NDST3: variants seen among roughly 807,000 people sequenced by gnomAD.
NDST3 encodes bifunctional heparan sulfate N-deacetylase/N-sulfotransferase 3.
Under a neutral mutation model 96.1 loss-of-function variants are expected in NDST3, and 58 were observed. The ratio of observed to expected loss-of-function variants is 0.60; its 90% CI spans 0.49 to 0.75. NDST3 has a LOEUF of 0.75. Among genes scored for constraint, NDST3 ranks in the 30% least tolerant of loss-of-function variants. The probability of loss-of-function intolerance (pLI) is 0.00; values close to 1 mark genes in which losing one functional copy is unlikely to be tolerated. For synonymous variants in NDST3, 333 were observed against 359.7 expected (o/e 0.93, Z 0.84); for missense variants, 788 against 1,034.2 (o/e 0.76, Z 3.27).
intron 4 of NDST3, among the ~76,000 whole-genome samples, chr4:118,119,653 AAGAGG>A (rs1176645929): frequency 6.6e-6 from 1 of 152,242 alleles, no homozygotes; most frequent in Non-Finnish European, 1.5e-5. Flanking sequence ...TCAAGAAGGC[AAGAGG>A]TAAAAGAGAA....
At chr4:118,045,944 C>T (rs186834007) in intron 1 of NDST3, among the ~76,000 whole-genome samples, 87 of 151,904 alleles carry the variant, frequency 5.7e-4, no homozygotes, top group African/African-American at 2.0e-3. Flanking sequence ...CTCTAAGAAG[C>T]ACCCAGGAAT....
intron 6 of NDST3, among the ~76,000 whole-genome samples, chr4:118,224,176 T>C (rs571540062): frequency 2.0e-5 from 3 of 152,226 alleles, no homozygotes; most frequent in East Asian, 3.9e-4. Flanking sequence ...TTGAGAAATA[T>C]ACAGGTTGTT....
At chr4:118,133,323 T>C (rs758900155) in intron 4 of NDST3, among the ~76,000 whole-genome samples, 2 of 152,194 alleles carry the variant, frequency 1.3e-5, no homozygotes, top group African/African-American at 2.4e-5. Flanking sequence ...GAGCAGAGCA[T>C]GGATTTGCTC....
intron 1 of NDST3, among the ~76,000 whole-genome samples, chr4:118,040,857 TTATATATTTTTATATATA>T (rs71593717): frequency 0.45 from 59,980 of 133,022 alleles, 15,331 homozygotes; most frequent in East Asian, 0.67. Flanking sequence ...ATATATATAT[TTATATATTTTTATATATA>T]TATATATTTA....
At chr4:118,066,623 T>TATATATTATATATACATTATATATA in intron 2 of NDST3, among the ~76,000 whole-genome samples, 1 of 7,186 alleles carries the variant, frequency 1.4e-4, no homozygotes, top group African/African-American at 1.9e-4. Flanking sequence ...TATAACATGT[T>TATATATTATATATACATTATATATA]ATATATTATA....
chr4:118,093,709 T>C (rs1316111993), intron 2 of NDST3, among the ~76,000 whole-genome samples: 1 of 151,894 alleles, frequency 6.6e-6, no homozygotes, highest in Non-Finnish European at 1.5e-5. Flanking sequence ...GTTAGACCTA[T>C]ATGTATGTAA....
chr4:118,232,096 T>C (rs1051589380), intron 8 of NDST3, among the ~76,000 whole-genome samples: 6 of 152,178 alleles, frequency 3.9e-5, no homozygotes, highest in African/African-American at 1.2e-4. Context: ...ACTAAGTACA[T>C]TGAAGCTTAA....
chr4:118,068,603 T>C (rs1011804559), intron 2 of NDST3, among the ~76,000 whole-genome samples: 1 of 152,062 alleles, frequency 6.6e-6, no homozygotes, highest in South Asian at 2.1e-4. Flanking sequence ...CAAAGATTTT[T>C]GTCTTGGTAG....
intron 6 of NDST3, among the ~76,000 whole-genome samples, chr4:118,206,357 G>C (rs577576938): frequency 6.9e-6 from 1 of 145,118 alleles, no homozygotes; most frequent in South Asian, 2.3e-4. Context: ...TGGACCTTTA[G>C]GTGGGTAATA....
intron 3 of NDST3, among the ~76,000 whole-genome samples, chr4:118,108,742 A>T (rs1730405180): frequency 6.6e-6 from 1 of 152,296 alleles, no homozygotes; most frequent in South Asian, 2.1e-4. Flanking sequence ...ATAATCATAC[A>T]ACTACATATA....
chr4:118,243,351 G>T (rs1229538110), intron 12 of NDST3, among the ~76,000 whole-genome samples: 2 of 152,094 alleles, frequency 1.3e-5, no homozygotes, highest in African/African-American at 4.8e-5. Flanking sequence ...GACACGTAAG[G>T]GAGGCATTTT....
At chr4:118,230,519 G>A (rs1415105739) in intron 8 of NDST3, among the ~76,000 whole-genome samples, 1 of 151,714 alleles carries the variant, frequency 6.6e-6, no homozygotes, top group African/African-American at 2.4e-5. Context: ...AGCTTGCAGT[G>A]AGCCGAGATC....
intron 2 of NDST3, among the ~76,000 whole-genome samples, chr4:118,076,432 C>A (rs926237619): frequency 6.6e-6 from 1 of 151,316 alleles, no homozygotes. Flanking sequence ...GGAATGCCAG[C>A]GAGTCACAGA....
chr4:118,108,905 T>G (rs1186959835), intron 3 of NDST3, among the ~76,000 whole-genome samples: 1 of 152,206 alleles, frequency 6.6e-6, no homozygotes, highest in South Asian at 2.1e-4. Flanking sequence ...GGGAACCTCA[T>G]GATTATGTTT....
chr4:118,149,342 G>C (rs1365127045), intron 6 of NDST3, among the ~76,000 whole-genome samples: 2 of 152,156 alleles, frequency 1.3e-5, no homozygotes, highest in East Asian at 3.9e-4. Context: ...AAATTACCTT[G>C]GGCAGTATGG....
chr4:118,144,113 T>C (rs1733768117), intron 6 of NDST3, among the ~76,000 whole-genome samples: 1 of 152,142 alleles, frequency 6.6e-6, no homozygotes, highest in South Asian at 2.1e-4. Flanking sequence ...AATCTAGTTA[T>C]ATTTTCTACT....
intron 6 of NDST3, among the ~76,000 whole-genome samples, chr4:118,165,918 A>T (rs1422089056): frequency 6.6e-6 from 1 of 151,970 alleles, no homozygotes; most frequent in Non-Finnish European, 1.5e-5. Flanking sequence ...AAGCAGTATT[A>T]TGAGGGAAGT....
At chr4:118,066,196 TTATATTTTATATATTATACATAA>T in intron 2 of NDST3, among the ~76,000 whole-genome samples, 1 of 51,260 alleles carries the variant, frequency 2.0e-5, no homozygotes, top group African/African-American at 6.9e-5. Context: ...ATCTTATATA[TTATATTTTATATATTATACATAA>T]TATATTATAT....
At chr4:118,099,705 A>C (rs1196961427) in intron 2 of NDST3, among the ~76,000 whole-genome samples, 1 of 152,060 alleles carries the variant, frequency 6.6e-6, no homozygotes, top group Admixed American at 6.6e-5. Context: ...AGGTAGGTCA[A>C]ATAGTAAAGT....
Sources: allele counts gnomAD v4.1 joint callset (sites outside exome capture counted in the v4.1 genomes callset), GRCh38; gene constraint gnomAD v4.1.1; transcripts MANE v1.5; gene names NCBI Gene and HGNC (gene_info 2026-07-23, HGNC 2026-07-21).